Variants in SERPINA12 observed in about 807,000 individuals in gnomAD.
SERPINA12 encodes serpin A12.
A neutral mutation model predicts 25.9 loss-of-function variants in SERPINA12; 21 were observed. The ratio of observed to expected loss-of-function variants is 0.81; its 90% CI spans 0.58 to 1.17. The LOEUF (loss-of-function observed/expected upper bound fraction) is 1.17, where lower values mean the gene tolerates loss of function less well. Ranked by LOEUF, SERPINA12 falls within the 50% of genes most tolerant of loss-of-function variation. The pLI is 0.00. For missense variants in SERPINA12, 562 were observed against 508.3 expected (o/e 1.11, Z -1.02); for synonymous variants, 220 against 196.0 (o/e 1.12, Z -1.02).
chr14:94,489,585 C>A, intron 4 of SERPINA12, 35 bp downstream of exon 4: 1 of 1,608,376 alleles, frequency 6.2e-7, no homozygotes, highest in Non-Finnish European at 8.5e-7. Context: ...GGCCCCTGTG[C>A]TGCAGGGAGT....
chr14:94,498,267 G>A lies in SERPINA12; in HGVS notation c.131C>T (p.Ala44Val), dbSNP rs774681103. ...SEVQGWKQRM[A>V]AKELARQNMD... ...GTTCTGCCTTGCAAGCTCCTTGGCT[G>A]CCATCCTTTGCTTCCATCCTTGGAC... The change falls in exon 2 of 5, where the codon GCA (alanine) becomes GTA (valine). Residue 44 changes from alanine (A) to valine (V), a missense_variant. Physicochemically the swap from Ala to Val is moderately conservative, Grantham distance 64 (BLOSUM62 0). Coordinates refer to ENST00000677451, the MANE Select transcript of SERPINA12 (RefSeq NM_001382267.1). The A allele has an allele frequency of 3.7e-6, 6 of 1,614,090 alleles. No individual in the cohort carries two copies. Among genetic ancestry groups the A allele is most frequent in the Non-Finnish European group, 5.1e-6 (6 of 1,180,048 alleles).
At chr14:94,502,302 AG>A (rs1476968248) in intron 1 of SERPINA12, among the ~76,000 whole-genome samples, 1 of 152,080 alleles carries the variant, frequency 6.6e-6, no homozygotes, top group Non-Finnish European at 1.5e-5. Flanking sequence ...TTCATCCTAA[AG>A]ACAGATCCAA....
intron 3 of SERPINA12, among the ~76,000 whole-genome samples, chr14:94,495,069 T>TTA (rs1555377344): frequency 3.0e-5 from 4 of 133,992 alleles, no homozygotes; most frequent in African/African-American, 1.2e-4. Context: ...CCTTTCTTTT[T>TTA]TTTTTTTTTT....
At position 94,515,379 on chromosome 14, in the gene SERPINA12, C is replaced by A. The variant is rs114641627; in HGVS notation, c.-18+441G>T. Among the ~76,000 whole-genome samples the A allele has an allele frequency of 8.6e-3, 1,316 of 152,236 alleles. 19 individuals are homozygous for A. The highest frequency in any genetic ancestry group is 0.03 in the African/African-American group (1,256 of 41,534). On this transcript the variant is annotated intron_variant, in intron 2 of 5. Transcript: ENST00000341228. Reference sequence around the variant, plus strand: ...GAACCCGGAGTTTCTACATCACCCTCCCCTGCAAGAGGCAATCAAATTCAC... The same window carrying A: ...GAACCCGGAGTTTCTACATCACCCTACCCTGCAAGAGGCAATCAAATTCAC...
chr14:94,487,566 A>T, intron 4 of SERPINA12, 72 bp from the exon 5 acceptor site: 2 of 1,337,294 alleles, frequency 1.5e-6, no homozygotes, highest in Non-Finnish European at 2.1e-6. Context: ...AGGCCCAGAG[A>T]GGATCAGAGA....
At chr14:94,488,573 G>A (rs565783481) in intron 4 of SERPINA12, among the ~76,000 whole-genome samples, 28 of 152,216 alleles carry the variant, frequency 1.8e-4, no homozygotes, top group African/African-American at 5.8e-4. Context: ...GTGTAAGTGT[G>A]TCCCGTGAAA....
chr14:94,498,954 T>C (rs7140968), intron 1 of SERPINA12, among the ~76,000 whole-genome samples: 76,017 of 151,548 alleles, frequency 0.5, 21,289 homozygotes, highest in African/African-American at 0.77. Context: ...GAGAGGAGAG[T>C]GATAGAGGGA....
upstream of SERPINA12, chr14:94,510,001 C>G (rs1901067250): frequency 1.0e-6 from 1 of 985,318 alleles, no homozygotes; most frequent in African/African-American, 1.7e-5. Context: ...CAGGTGCAGC[C>G]TGGGAGCAGG....
intron 3 of SERPINA12, among the ~76,000 whole-genome samples, chr14:94,492,453 G>C (rs747123249): frequency 6.6e-6 from 1 of 152,200 alleles, no homozygotes; most frequent in South Asian, 2.1e-4. Flanking sequence ...GCAGACACCT[G>C]CTTTGTCTTC....
At chr14:94,505,758 G>C (rs879290946) in intron 1 of SERPINA12, among the ~76,000 whole-genome samples, 1 of 152,216 alleles carries the variant, frequency 6.6e-6, no homozygotes, top group African/African-American at 2.4e-5. Context: ...ATTTCCACGG[G>C]AGACATGCAG....
chr14:94,489,607 T>C lies in SERPINA12; in HGVS notation c.1053+13A>G. ...GTGCTGCAGGGAGTGGAGTCCAGGC[T>C]AGGCAGGCTTACCTCGCCCACTTTC... is the stretch of plus-strand genomic sequence containing the variant. On this transcript the variant is annotated intron_variant, in intron 4 of 4. Coordinates refer to ENST00000677451, the MANE Select transcript of SERPINA12 (RefSeq NM_001382267.1). The C allele has an allele frequency of 6.2e-7, 1 of 1,613,260 alleles. No individual in the cohort carries two copies. The highest frequency in any genetic ancestry group is 8.5e-7 in the Non-Finnish European group (1 of 1,179,626).
intron 2 of SERPINA12, among the ~76,000 whole-genome samples, chr14:94,496,990 G>T (rs1253598337): frequency 6.6e-6 from 1 of 152,160 alleles, no homozygotes; most frequent in Non-Finnish European, 1.5e-5. Context: ...GATGTGAGTA[G>T]ACTCTTCTTT....
chr14:94,487,758 C>T (rs28453129), intron 4 of SERPINA12, among the ~76,000 whole-genome samples: 6,184 of 152,208 alleles, frequency 0.041, 432 homozygotes, highest in African/African-American at 0.14. Context: ...GTGGGGTTTG[C>T]TTCTCTTTCT....
chr14:94,499,719 G>T (rs1377319927), intron 1 of SERPINA12, among the ~76,000 whole-genome samples: 1 of 152,162 alleles, frequency 6.6e-6, no homozygotes, highest in Non-Finnish European at 1.5e-5. Flanking sequence ...ATGTATTGAG[G>T]CAGTTGTCTT....
At chr14:94,489,215 AAGAG>A (rs781119989) in intron 4 of SERPINA12, among the ~76,000 whole-genome samples, 5 of 150,880 alleles carry the variant, frequency 3.3e-5, no homozygotes, top group African/African-American at 4.9e-5. Context: ...GAAAGAGAGA[AAGAG>A]AGAGAGAAAG....
intron 1 of SERPINA12, among the ~76,000 whole-genome samples, chr14:94,499,347 TC>T (rs1296937994): frequency 6.6e-6 from 1 of 152,328 alleles, no homozygotes; most frequent in South Asian, 2.1e-4. Context: ...AGCTTTGACA[TC>T]TTCCAACGGC....
chr14:94,511,990 C>G (rs866299238), upstream of SERPINA12, among the ~76,000 whole-genome samples: 1 of 152,056 alleles, frequency 6.6e-6, no homozygotes, highest in Non-Finnish European at 1.5e-5. Flanking sequence ...CCCAGCTACT[C>G]GGGAGGCTGA....
intron 1 of SERPINA12, among the ~76,000 whole-genome samples, chr14:94,499,764 G>C (rs555314192): frequency 6.6e-6 from 1 of 152,170 alleles, no homozygotes; most frequent in East Asian, 1.9e-4. Context: ...GGATGGAAAA[G>C]GGAAGGAGCC....
chr14:94,503,324 C>A, intron 1 of SERPINA12: 1 of 985,218 alleles, frequency 1.0e-6, no homozygotes, highest in Non-Finnish European at 1.2e-6. Flanking sequence ...TGTCCCCATT[C>A]CACTTGTTAA....
Sources: allele counts gnomAD v4.1 joint callset (sites outside exome capture counted in the v4.1 genomes callset), GRCh38; gene constraint gnomAD v4.1.1; transcripts MANE v1.5; gene names NCBI Gene and HGNC (gene_info 2026-07-23, HGNC 2026-07-21).